ZNF474: variants seen among roughly 807,000 people sequenced by gnomAD.
The protein encoded by ZNF474 is zinc finger protein 474.
For missense variants in ZNF474, 511 were observed against 433.8 expected, an observed-to-expected ratio of 1.18 and a Z score of -1.58; for synonymous variants, 192 against 162.2, an observed-to-expected ratio of 1.18 and a Z score of -1.39.
At position 122,151,983 on chromosome 5, in the gene ZNF474, C is replaced by G. The variant is rs1405100621; in HGVS notation, c.-8C>G. 6.2e-7 allele frequency: 1 copy of G among 1,604,750 alleles called. No homozygotes were observed. Among genetic ancestry groups the G allele is most frequent in the East Asian group, 2.2e-5 (1 of 44,854 alleles). ...CAGAGCAAGCACTACAGAAAGACAT[C>G]TTTGTTAATGGAAAGAGGAAAGAAG... On this transcript the variant is annotated 5_prime_UTR_variant, in exon 2 of 2. It adds an upstream start codon to the 5' untranslated region. Coordinates refer to ENST00000296600, the MANE Select transcript of ZNF474 (RefSeq NM_207317.3).
chr5:122,132,973 G>A (rs996951356), intron 1 of ZNF474, among the ~76,000 whole-genome samples: 10 of 152,108 alleles, frequency 6.6e-5, no homozygotes, highest in Admixed American at 1.3e-4. Context: ...TGAACCATAC[G>A]CAAGAATTAG....
intron 1 of ZNF474, 51 bp from the exon 2 acceptor site, chr5:122,151,728 T>TGTGTGTG (rs1756181762): frequency 2.7e-6 from 1 of 365,386 alleles, no homozygotes. Context: ...TGTGTGTGTG[T>TGTGTGTG]GTGTGTGTGT....
intron 1 of ZNF474, among the ~76,000 whole-genome samples, chr5:122,143,397 G>C (rs572867031): frequency 3.0e-4 from 45 of 152,280 alleles, no homozygotes; most frequent in African/African-American, 1.0e-3. Flanking sequence ...CTCTGTGCAA[G>C]CATATCACAT....
Position 122,152,705 on chromosome 5 carries a change from C to T in ZNF474, c.715C>T (p.His239Tyr), listed in dbSNP as rs1307212570. 1.2e-6 allele frequency: 2 copies of T among 1,614,086 alleles called. No individual in the cohort carries two copies. Among genetic ancestry groups the T allele is most frequent in the Non-Finnish European group, 1.7e-6 (2 of 1,180,046 alleles). ...ATTTGGCACCCTGTCCCTTCCTATT[C>T]ATGAGCCCAAATGCCTGGAAAAGTG... ...KEFGTLSLPIHEPKCLEKWKM... is the reference protein window; with the variant it reads ...KEFGTLSLPIYEPKCLEKWKM... Residue 239 changes from histidine to tyrosine, a missense_variant, in exon 2 of 2, where the codon CAT (histidine) becomes TAT (tyrosine). Transcript: ENST00000296600.
At position 122,153,246 on chromosome 5, in the gene ZNF474, G is replaced by A; in HGVS notation, c.*161G>A. ...GCTGAATAGATATAAGAACATCCTT[G>A]CCTGATGGGTTCATATTCCTCTTCA... On this transcript the variant is annotated 3_prime_UTR_variant, in exon 2 of 2. Coordinates refer to ENST00000296600, the MANE Select transcript of ZNF474 (RefSeq NM_207317.3). 2 of 822,846 alleles carry A rather than the reference G, an allele frequency of 2.4e-6. No individual in the cohort carries two copies. Among genetic ancestry groups the A allele is most frequent in the Non-Finnish European group, 3.7e-6 (2 of 542,214 alleles). 51.0% of individuals were successfully genotyped at this position (822,846 alleles called of 1,614,324 possible).
At chr5:122,149,885 C>G (rs1373607709) in intron 1 of ZNF474, among the ~76,000 whole-genome samples, 3 of 141,482 alleles carry the variant, frequency 2.1e-5, no homozygotes, top group Admixed American at 7.1e-5. Context: ...AGAATTGACT[C>G]TGTGTGTGTG....
rs143975329 is a variant in ZNF474 at position 122,153,351 on chromosome 5, A to G, written c.*266A>G. The G allele has an allele frequency of 3.8e-3, 1,585 of 421,496 alleles. 8 individuals carry two copies. The highest frequency in any genetic ancestry group is 4.8e-3 in the Non-Finnish European group (1,118 of 231,412). 26.1% of individuals were successfully genotyped at this position (421,496 alleles called of 1,614,324 possible). ...ACAAATAATCCCTGGGAGAGACAGT[A>G]ATTTGAAAATGAGTCATTAATGCTG... On this transcript the variant is annotated 3_prime_UTR_variant, in exon 2 of 2. Coordinates refer to ENST00000296600, the MANE Select transcript of ZNF474 (RefSeq NM_207317.3).
In ZNF474 at chr5:122,153,227, T is replaced by G. The variant is rs1756246686; in HGVS notation, c.*142T>G. 1 of 1,032,416 alleles carries G rather than the reference T, an allele frequency of 9.7e-7. No homozygotes were observed. The highest frequency in any genetic ancestry group is 1.4e-6 in the Non-Finnish European group (1 of 722,280). 64.0% of individuals were successfully genotyped at this position (1,032,416 alleles called of 1,614,324 possible). A position where few individuals can be genotyped will look rare whatever the true frequency, so the allele number is the denominator to read the frequency against. On this transcript the variant is annotated 3_prime_UTR_variant, in exon 2 of 2. Coordinates refer to ENST00000296600, the MANE Select transcript of ZNF474 (RefSeq NM_207317.3). Reference sequence around the variant, plus strand: ...AGGGCCTATACCTCTCTTGGCTGAATAGATATAAGAACATCCTTGCCTGAT... The same window carrying G: ...AGGGCCTATACCTCTCTTGGCTGAAGAGATATAAGAACATCCTTGCCTGAT...
At chr5:122,131,463 A>T (rs1401483923) in intron 1 of ZNF474, among the ~76,000 whole-genome samples, 8 of 152,142 alleles carry the variant, frequency 5.3e-5, no homozygotes, top group Non-Finnish European at 8.8e-5. Flanking sequence ...ATACAATAGA[A>T]TATTATTGAA....
At chr5:122,150,095 C>G (rs1756125048) in intron 1 of ZNF474, among the ~76,000 whole-genome samples, 1 of 152,070 alleles carries the variant, frequency 6.6e-6, no homozygotes, top group Admixed American at 6.6e-5. Context: ...AACTAAAATT[C>G]CTCGGTGAAC....
At position 122,152,466 on chromosome 5, in the gene ZNF474, A is replaced by T; in HGVS notation, c.476A>T (p.Gln159Leu). ...SLQATNEAAF[Q>L]SAQAQLLPCE... ...CAGGCAACTAACGAGGCTGCATTTC[A>T]GAGTGCCCAGGCTCAGCTGCTGCCC... Residue 159 changes from glutamine (Q) to leucine (L), a missense_variant, in exon 2 of 2, where the codon CAG becomes CTG. Gln to Leu is a moderately radical substitution (Grantham distance 113, BLOSUM62 -2). Transcript: ENST00000296600. The T allele has an allele frequency of 6.2e-7, 1 of 1,614,202 alleles. No homozygotes were observed. The highest frequency in any genetic ancestry group is 8.5e-7 in the Non-Finnish European group (1 of 1,180,024).
intron 1 of ZNF474, among the ~76,000 whole-genome samples, chr5:122,130,334 C>A (rs1349037693): frequency 6.6e-6 from 1 of 152,152 alleles, no homozygotes; most frequent in Non-Finnish European, 1.5e-5. Flanking sequence ...TCCTCACATC[C>A]TTTCCAGCCA....
chr5:122,142,003 G>T (rs968038117), intron 1 of ZNF474, among the ~76,000 whole-genome samples: 1 of 152,164 alleles, frequency 6.6e-6, no homozygotes, highest in Non-Finnish European at 1.5e-5. Flanking sequence ...ATGAAGTTAA[G>T]ATATAAGCCA....
chr5:122,133,279 C>T (rs1201180547), intron 1 of ZNF474, among the ~76,000 whole-genome samples: 1 of 152,098 alleles, frequency 6.6e-6, no homozygotes, highest in East Asian at 1.9e-4. Flanking sequence ...ATAATTTCTG[C>T]AAGAAAACAT....
At chr5:122,148,428 T>A (rs1174466616) in intron 1 of ZNF474, among the ~76,000 whole-genome samples, 2 of 152,206 alleles carry the variant, frequency 1.3e-5, no homozygotes, top group Admixed American at 1.3e-4. Context: ...AGAGAAAATA[T>A]TTGCAGTGCA....
chr5:122,139,993 T>A (rs1183115550), intron 1 of ZNF474, among the ~76,000 whole-genome samples: 1 of 152,158 alleles, frequency 6.6e-6, no homozygotes, highest in East Asian at 1.9e-4. Context: ...ATTATTGGTG[T>A]CCCATGAATG....
intron 1 of ZNF474, among the ~76,000 whole-genome samples, chr5:122,133,737 A>C (rs1407900989): frequency 1.3e-5 from 2 of 151,986 alleles, no homozygotes; most frequent in African/African-American, 4.8e-5. Context: ...TATTTTTTAC[A>C]TTTTGTAGTG....
At chr5:122,139,438 A>T (rs1428775342) in intron 1 of ZNF474, among the ~76,000 whole-genome samples, 4 of 152,198 alleles carry the variant, frequency 2.6e-5, no homozygotes, top group Non-Finnish European at 4.4e-5. Context: ...CAATTTTATA[A>T]CTGGAATTTT....
In ZNF474 at chr5:122,139,103, C is replaced by T. The variant is rs573039639; in HGVS notation, c.-213+9420C>T. Reference sequence around the variant, plus strand: ...CTTGGATTGCTTTATCTGTTCAGTTCCAAGTGAACCATCTTATATATGAAA... The same window carrying T: ...CTTGGATTGCTTTATCTGTTCAGTTTCAAGTGAACCATCTTATATATGAAA... On this transcript the variant is annotated intron_variant, in intron 1 of 1. Transcript: ENST00000296600. 2.6e-5 allele frequency among the ~76,000 whole-genome samples: 4 copies of T among 152,248 alleles called. 1 individual carries two copies. Among genetic ancestry groups the T allele is most frequent in the South Asian group, 4.2e-4 (2 of 4,818 alleles).
Sources: allele counts gnomAD v4.1 joint callset (sites outside exome capture counted in the v4.1 genomes callset), GRCh38; gene constraint gnomAD v4.1.1; transcripts MANE v1.5; gene names NCBI Gene and HGNC (gene_info 2026-07-23, HGNC 2026-07-21).